TTC34: variants seen among roughly 807,000 people sequenced by gnomAD.
The protein encoded by TTC34 is tetratricopeptide repeat domain 34.
In TTC34, 44 loss-of-function variants were observed where a neutral mutation model predicts 40.7. That is an observed-to-expected ratio of 1.08 (90% CI 0.85 to 1.39). The LOEUF (loss-of-function observed/expected upper bound fraction) is 1.39. Among genes scored for constraint, TTC34 ranks in the 40% most tolerant of loss-of-function variants. The pLI, the probability that TTC34 is intolerant of heterozygous loss-of-function variation, is 0.00. For missense variants in TTC34, 884 were observed against 838.0 expected (o/e 1.05, Z -0.68); for synonymous variants, 422 against 398.6 (o/e 1.06, Z -0.70).
intron 6 of TTC34, among the ~76,000 whole-genome samples, chr1:2,685,396 C>G (rs569068588): frequency 7.0e-6 from 1 of 143,194 alleles, no homozygotes. Flanking sequence ...GCATCACCCA[C>G]AACCACAGGT....
At chr1:2,687,690 C>A (rs1339663624) in intron 6 of TTC34, among the ~76,000 whole-genome samples, 2 of 144,806 alleles carry the variant, frequency 1.4e-5, no homozygotes, top group Non-Finnish European at 1.5e-5. Context: ...CGCACACCCC[C>A]AGTTGAGCAT....
intron 6 of TTC34, among the ~76,000 whole-genome samples, chr1:2,682,194 G>A (rs111460937): frequency 1.9e-3 from 246 of 128,560 alleles, no homozygotes; most frequent in Middle Eastern, 4.5e-3. Context: ...ACCACTCCCA[G>A]GCCAGCATCC....
At chr1:2,690,138 C>CA (rs1366602442) in intron 6 of TTC34, among the ~76,000 whole-genome samples, 17 of 76,300 alleles carry the variant, frequency 2.2e-4, no homozygotes, top group South Asian at 3.9e-4. Context: ...AGCACCCACA[C>CA]CCCAAGGTGA....
chr1:2,751,315 C>G (rs1193207927), intron 6 of TTC34, among the ~76,000 whole-genome samples: 1 of 130,626 alleles, frequency 7.7e-6, no homozygotes, highest in Non-Finnish European at 1.6e-5. Context: ...CACCGTGGAG[C>G]AGAACAAACA....
intron 6 of TTC34, among the ~76,000 whole-genome samples, chr1:2,684,448 C>A (rs1422993540): frequency 3.6e-5 from 5 of 138,860 alleles, no homozygotes; most frequent in Admixed American, 2.9e-4. Flanking sequence ...CCCAGGTGAG[C>A]ATCTGACGGC....
At chr1:2,795,264 A>G (rs1643700852) in intron 2 of TTC34, among the ~76,000 whole-genome samples, 1 of 152,176 alleles carries the variant, frequency 6.6e-6, no homozygotes, top group Non-Finnish European at 1.5e-5. Flanking sequence ...GGAAAATCCA[A>G]CCATTTATAT....
rs1249749177 is a variant in TTC34 at position 2,752,118 on chromosome 1, C to G, written c.2226+31491G>C. Reference sequence around the variant, plus strand: ...CAGGCGAGCATCGGACAGCCTGGAGCAACACCCACGCCCCCAGGTGCGCAT... The same window carrying G: ...CAGGCGAGCATCGGACAGCCTGGAGGAACACCCACGCCCCCAGGTGCGCAT... On this transcript the variant is annotated intron_variant, in intron 6 of 8. Coordinates refer to ENST00000401095, the Ensembl canonical transcript of TTC34. Among the ~76,000 whole-genome samples, 6 of 111,602 alleles carry G rather than the reference C, an allele frequency of 5.4e-5. 1 individual carries two copies. The East Asian group carries it at 1.6e-3, about 31-fold the overall frequency. The allele number at this position is 111,602 out of a possible 152,430, so 73.2% of individuals were successfully genotyped here.
chr1:2,691,662 A>C (rs1640624285), intron 6 of TTC34, among the ~76,000 whole-genome samples: 1 of 102,560 alleles, frequency 9.8e-6, no homozygotes, highest in Non-Finnish European at 2.2e-5. Context: ...CAGCACCGAC[A>C]CCCCCAGGTG....
At chr1:2,651,109 C>T (rs78040270) in intron 6 of TTC34, among the ~76,000 whole-genome samples, 3,998 of 152,076 alleles carry the variant, frequency 0.026, 181 homozygotes, top group African/African-American at 0.092. Flanking sequence ...GCACCCCAAA[C>T]CCCCAGGTGA....
rs147290886 is a variant in TTC34, at chr1:2,777,418, T to C, written c.2226+6191A>G. Among the ~76,000 whole-genome samples the C allele has an allele frequency of 3.4e-3, 487 of 142,372 alleles. 9 individuals are homozygous for C. The highest frequency in any genetic ancestry group is 0.013 in the African/African-American group (469 of 37,408). The allele number at this position is 142,372 out of a possible 152,430, so 93.4% of individuals were successfully genotyped here. The stretch of plus-strand genomic sequence containing the variant: ...ACAGCCTGGAACAGCACTCCACACC[T>C]CCAGGGGAGCATCTGACAGCATGGA... On this transcript the variant is annotated intron_variant, in intron 6 of 8. Coordinates refer to ENST00000401095, the Ensembl canonical transcript of TTC34.
chr1:2,698,278 AC>A (rs1447395840), intron 6 of TTC34, among the ~76,000 whole-genome samples: 1 of 73,140 alleles, frequency 1.4e-5, no homozygotes, highest in African/African-American at 3.9e-5. Context: ...CTGAAACAGA[AC>A]CCTGCACCCC....
At chr1:2,755,940 T>C in intron 6 of TTC34, among the ~76,000 whole-genome samples, 1 of 52,698 alleles carries the variant, frequency 1.9e-5, no homozygotes, top group African/African-American at 1.7e-4. Flanking sequence ...AGCAGCACCC[T>C]GCACCCCCAG....
chr1:2,687,315 G>A (rs1210007528), intron 6 of TTC34, among the ~76,000 whole-genome samples: 1 of 82,420 alleles, frequency 1.2e-5, no homozygotes, highest in East Asian at 4.7e-4. Flanking sequence ...TCGTGGAACA[G>A]CACCCCAAAC....
intron 6 of TTC34, among the ~76,000 whole-genome samples, chr1:2,781,263 G>A (rs1643478758): frequency 6.6e-6 from 1 of 152,158 alleles, no homozygotes; most frequent in South Asian, 2.1e-4. Context: ...CAGTATCTGA[G>A]GGTTGTCCTG....
At chr1:2,756,665 A>C (rs1641516402) in intron 6 of TTC34, among the ~76,000 whole-genome samples, 1 of 1,808 alleles carries the variant, frequency 5.5e-4, no homozygotes, top group Non-Finnish European at 1.1e-3. Flanking sequence ...CAGCACCCAC[A>C]CCCCCAGGTG....
At chr1:2,768,161 C>A (rs913743211) in intron 6 of TTC34, among the ~76,000 whole-genome samples, 1 of 151,648 alleles carries the variant, frequency 6.6e-6, no homozygotes, top group Non-Finnish European at 1.5e-5. Context: ...GATCAACACT[C>A]GAACCTTCAG....
rs1363400941 is a variant in TTC34 at position 2,687,774 on chromosome 1, C to A, written c.2227-42211G>T. Among the ~76,000 whole-genome samples, 4 of 143,436 alleles carry A rather than the reference C, an allele frequency of 2.8e-5. 1 individual carries two copies. The highest frequency in any genetic ancestry group is 1.1e-4 in the African/African-American group (4 of 35,688). The allele number at this position is 143,436 out of a possible 152,430, so 94.1% of individuals were successfully genotyped here. ...CTGGAGCAGAACCCACACCCTGAGG[C>A]GAGCATCTGACAGCCTGGGTCGGCA... On this transcript the variant is annotated intron_variant, in intron 6 of 8. Coordinates refer to ENST00000401095, the Ensembl canonical transcript of TTC34.
At chr1:2,637,837 T>G (rs542957364) in exon 9 of TTC34, 102 of 152,314 alleles carry the variant, frequency 6.7e-4, no homozygotes, top group African/African-American at 2.1e-3. Context: ...GATGCACAGT[T>G]TAACTCTGAG....
chr1:2,771,531 C>T (rs1415850402), intron 6 of TTC34, among the ~76,000 whole-genome samples: 56 of 57,330 alleles, frequency 9.8e-4, no homozygotes, highest in South Asian at 4.1e-3. Flanking sequence ...CACCCCCAGG[C>T]GAGCATCTGA....
Sources: gnomAD v4.1 joint callset for allele counts (sites outside exome capture counted in the v4.1 genomes callset) on GRCh38, gnomAD v4.1.1 for gene constraint, MANE v1.5 for transcripts, NCBI Gene and HGNC (gene_info 2026-07-23, HGNC 2026-07-21) for gene names.